The following COL22A1 variants were observed in gnomAD, a reference collection of about 807,000 sequenced individuals.
COL22A1 encodes the protein collagen type XXII alpha 1 chain.
Under a neutral mutation model 248.9 loss-of-function variants are expected in COL22A1, and 221 were observed. The ratio of observed to expected loss-of-function variants is 0.89; its 90% CI spans 0.80 to 0.99. The LOEUF (loss-of-function observed/expected upper bound fraction) is 0.99, where lower values mean the gene tolerates loss of function less well. Among genes scored for constraint, COL22A1 ranks in the 50% least tolerant of loss-of-function variants. The pLI is 0.00. For synonymous variants in COL22A1, 891 were observed against 793.4 expected (o/e 1.12, Z -2.07); for missense variants, 2,240 against 2,179.0 (o/e 1.03, Z -0.56).
chr8:138,878,305 C>A lies in COL22A1; in HGVS notation c.103G>T (p.Val35Phe). Residue 35 changes from valine (V) to phenylalanine (F), a missense_variant, in exon 3 of 65, where the codon GTC becomes TTC. By Grantham distance (50) the Val-to-Phe change is conservative (BLOSUM62 -1). Transcript: ENST00000303045. ...AGGAGGAAGACCAGATCGTAGTGGA[C>A]ACTTTTGCAACCTGCAGGGGTGAGA... ...CQAQRAGCKSVHYDLVFLLDT... is the reference protein window; with the variant it reads ...CQAQRAGCKSFHYDLVFLLDT... The A allele has an allele frequency of 6.5e-7, 1 of 1,549,794 alleles. No individual in the cohort carries two copies. The highest frequency in any genetic ancestry group is 8.7e-7 in the Non-Finnish European group (1 of 1,145,898).
chr8:138,685,378 G>A, intron 37 of COL22A1, 66 bp from the exon 38 acceptor site: 1 of 1,339,192 alleles, frequency 7.5e-7, no homozygotes, highest in Non-Finnish European at 1.1e-6. Context: ...CTATGGGGGA[G>A]CAGCTTGAGT....
At chr8:138,771,441 C>G (rs1010277636) in intron 16 of COL22A1, among the ~76,000 whole-genome samples, 2 of 152,170 alleles carry the variant, frequency 1.3e-5, no homozygotes, top group East Asian at 3.9e-4. Flanking sequence ...CAGTTTCCCC[C>G]GCTTCACAAT....
chr8:138,877,765 G>T lies in COL22A1; in HGVS notation c.643C>A (p.Arg215Ser). 6.3e-7 allele frequency: 1 copy of T among 1,590,572 alleles called. No homozygotes were observed. The highest frequency in any genetic ancestry group is 8.6e-7 in the Non-Finnish European group (1 of 1,167,264). ...AIDKIRGKLR[R>S]RLCENVLCPS... The stretch of plus-strand genomic sequence containing the variant: ...GCGCACTCACTTTCACAAAGACGGC[G>T]CCGCAGCTTGCCCCGGATCTTGTCG... Residue 215 changes from arginine to serine, a missense_variant, in exon 3 of 65, where the codon CGC becomes AGC. By Grantham distance (110) the Arg-to-Ser change is moderately radical. Coordinates refer to ENST00000303045, the MANE Select transcript of COL22A1 (RefSeq NM_152888.3).
At chr8:138,864,371 C>A (rs1463002107) in intron 3 of COL22A1, among the ~76,000 whole-genome samples, 1 of 151,488 alleles carries the variant, frequency 6.6e-6, no homozygotes, top group Non-Finnish European at 1.5e-5. Context: ...CAGATGAGGC[C>A]CTCCTTGGCT....
intron 27 of COL22A1, among the ~76,000 whole-genome samples, chr8:138,717,351 G>A (rs1829522192): frequency 6.6e-6 from 1 of 152,094 alleles, no homozygotes; most frequent in African/African-American, 2.4e-5. Flanking sequence ...GTTTCACCAT[G>A]TTAGCCAGGA....
chr8:138,735,277 C>T (rs1454449332), intron 23 of COL22A1, among the ~76,000 whole-genome samples: 1 of 152,210 alleles, frequency 6.6e-6, no homozygotes, highest in African/African-American at 2.4e-5. Context: ...GTGGCCCCAT[C>T]CAGGCCACCA....
intron 2 of COL22A1, among the ~76,000 whole-genome samples, chr8:138,881,634 G>A (rs1232375719): frequency 2.6e-5 from 4 of 152,218 alleles, no homozygotes; most frequent in Non-Finnish European, 5.9e-5. Flanking sequence ...GCAGTGAGCC[G>A]AGATCACGCC....
chr8:138,814,187 G>T (rs1818485670), intron 7 of COL22A1, among the ~76,000 whole-genome samples: 1 of 152,144 alleles, frequency 6.6e-6, no homozygotes, highest in Admixed American at 6.5e-5. Flanking sequence ...TAACCACATG[G>T]CAAACCACAC....
chr8:138,696,203 A>G (rs1827490702), intron 32 of COL22A1, among the ~76,000 whole-genome samples: 1 of 152,174 alleles, frequency 6.6e-6, no homozygotes, highest in African/African-American at 2.4e-5. Flanking sequence ...CCAGAAAGGC[A>G]GTATGCAACC....
chr8:138,913,065 G>C (rs2132222975), intron 1 of COL22A1, among the ~76,000 whole-genome samples: 1 of 137,992 alleles, frequency 7.2e-6, no homozygotes, highest in South Asian at 2.2e-4. Context: ...CCTAGAGAAG[G>C]CTGGGAGAGG....
At chr8:138,879,835 T>TACAAA (rs1412482888) in intron 2 of COL22A1, among the ~76,000 whole-genome samples, 1 of 56,918 alleles carries the variant, frequency 1.8e-5, no homozygotes, top group Admixed American at 2.1e-4. Flanking sequence ...AACATTTGGC[T>TACAAA]ATAAAACAAA....
chr8:138,810,263 G>C (rs1328865086), intron 9 of COL22A1, among the ~76,000 whole-genome samples: 1 of 152,192 alleles, frequency 6.6e-6, no homozygotes, highest in East Asian at 1.9e-4. Flanking sequence ...CATTGGGTCT[G>C]GCATCGCTCC....
Position 138,589,109 on chromosome 8 carries a change from G to A in COL22A1, c.*144C>T. ...ATTTAATAATTTTGAGGTCTCTCAA[G>A]AAAATAAAACAAAAAGCAAACGATA... On this transcript the variant is annotated 3_prime_UTR_variant, in exon 65 of 65. Transcript: ENST00000303045. 2 of 761,566 alleles carry A rather than the reference G, an allele frequency of 2.6e-6. No homozygotes were observed. The highest frequency in any genetic ancestry group is 3.5e-5 in the South Asian group (2 of 56,854). The allele number at this position is 761,566 out of a possible 1,614,324, so 47.2% of individuals were successfully genotyped here.
intron 1 of COL22A1, among the ~76,000 whole-genome samples, chr8:138,902,001 G>A (rs937034947): frequency 7.9e-5 from 12 of 151,972 alleles, no homozygotes; most frequent in Admixed American, 4.6e-4. Flanking sequence ...TTGAGTTACC[G>A]GGCTGGTGCC....
intron 5 of COL22A1, among the ~76,000 whole-genome samples, chr8:138,831,199 A>C (rs959436485): frequency 6.6e-6 from 1 of 152,160 alleles, no homozygotes; most frequent in African/African-American, 2.4e-5. Flanking sequence ...TTAAAAAAAC[A>C]AAAAGGATCA....
chr8:138,589,472 G>T (rs1004683079), intron 64 of COL22A1, 32 bp from the exon 65 acceptor site: 1 of 1,462,488 alleles, frequency 6.8e-7, no homozygotes, highest in Admixed American at 2.7e-5. Flanking sequence ...ACAGAAGGTG[G>T]TTCAAGATCC....
intron 52 of COL22A1, 81 bp downstream of exon 52, chr8:138,623,651 A>G (rs1393289960): frequency 1.6e-6 from 2 of 1,257,410 alleles, no homozygotes; most frequent in African/African-American, 3.0e-5. Flanking sequence ...CTGGTTCAAA[A>G]TAGCTCCTCA....
At chr8:138,901,830 G>T (rs181946763) in intron 1 of COL22A1, among the ~76,000 whole-genome samples, 90 of 152,050 alleles carry the variant, frequency 5.9e-4, no homozygotes, top group Non-Finnish European at 1.0e-3. Flanking sequence ...CTCCGGTGTC[G>T]CCTGACTGCA....
Position 138,877,737 on chromosome 8 carries a change from C to G in COL22A1, c.658+13G>C. 1 of 1,561,412 alleles carries G rather than the reference C, an allele frequency of 6.4e-7. No individual in the cohort carries two copies. The highest frequency in any genetic ancestry group is 8.7e-7 in the Non-Finnish European group (1 of 1,151,400). The stretch of plus-strand genomic sequence containing the variant: ...CTCTTGGGAGGGGCCGCATGGGGCC[C>G]GGGCGCACTCACTTTCACAAAGACG... On this transcript the variant is annotated intron_variant, in intron 3 of 64. Coordinates refer to ENST00000303045, the MANE Select transcript of COL22A1 (RefSeq NM_152888.3).
Sources: gnomAD v4.1 joint callset for allele counts (sites outside exome capture counted in the v4.1 genomes callset) on GRCh38, gnomAD v4.1.1 for gene constraint, MANE v1.5 for transcripts, NCBI Gene and HGNC (gene_info 2026-07-23, HGNC 2026-07-21) for gene names.